Variants in PPARGC1B observed in about 807,000 individuals in gnomAD.
PPARGC1B encodes peroxisome proliferator-activated receptor gamma coactivator 1-beta.
A neutral mutation model predicts 101.6 loss-of-function variants in PPARGC1B; 34 were observed. That is an observed-to-expected ratio of 0.33 (90% CI 0.25 to 0.45). PPARGC1B has a LOEUF of 0.45. PPARGC1B is among the 20% of genes least tolerant of loss of function. PPARGC1B has a pLI of 1.00. For synonymous variants in PPARGC1B, 548 were observed against 539.3 expected (o/e 1.02, Z -0.22); for missense variants, 1,234 against 1,317.6 (o/e 0.94, Z 0.98).
chr5:149,764,794 G>A (rs2113164837), intron 1 of PPARGC1B, among the ~76,000 whole-genome samples: 1 of 152,370 alleles, frequency 6.6e-6, no homozygotes, highest in South Asian at 2.1e-4. Flanking sequence ...GTAAACAGTA[G>A]TGGGGGTATA....
intron 1 of PPARGC1B, among the ~76,000 whole-genome samples, chr5:149,782,914 C>T (rs145304599): frequency 2.3e-4 from 35 of 152,280 alleles, no homozygotes; most frequent in Non-Finnish European, 4.6e-4. Flanking sequence ...CAAGTGTCCA[C>T]TGGGACAGAG....
intron 1 of PPARGC1B, among the ~76,000 whole-genome samples, chr5:149,747,090 A>G (rs1755120077): frequency 6.6e-6 from 1 of 152,210 alleles, no homozygotes; most frequent in Admixed American, 6.5e-5. Flanking sequence ...ACAAAATTAA[A>G]TAATTTTCAC....
chr5:149,762,388 C>A (rs1044945516), intron 1 of PPARGC1B, among the ~76,000 whole-genome samples: 1 of 152,238 alleles, frequency 6.6e-6, no homozygotes, highest in South Asian at 2.1e-4. Context: ...CTCAAGTGAT[C>A]CTCCCCACCT....
intron 1 of PPARGC1B, among the ~76,000 whole-genome samples, chr5:149,819,797 C>A (rs1261954190): frequency 1.3e-5 from 2 of 152,226 alleles, no homozygotes; most frequent in African/African-American, 4.8e-5. Context: ...GCCACCATGC[C>A]CGGCCCGTGA....
rs1759721083 is a variant in PPARGC1B, at chr5:149,850,316, A to T, written c.*2758A>T. 6.6e-6 allele frequency: 1 copy of T among 152,218 alleles called. No homozygotes were observed. Among genetic ancestry groups the T allele is most frequent in the African/African-American group, 2.4e-5 (1 of 41,460 alleles). 9.4% of individuals were successfully genotyped at this position (152,218 alleles called of 1,614,324 possible). The stretch of plus-strand genomic sequence containing the variant: ...TCCCTCCCTGCTTTGGGGTCAGCTA[A>T]AGCTGTCCTTTCATGTCAGATTAAC... On this transcript the variant is annotated 3_prime_UTR_variant, in exon 12 of 12. Coordinates refer to ENST00000309241, the MANE Select transcript of PPARGC1B (RefSeq NM_133263.4).
At chr5:149,766,221 A>T (rs1481881367) in intron 1 of PPARGC1B, among the ~76,000 whole-genome samples, 2 of 152,236 alleles carry the variant, frequency 1.3e-5, no homozygotes, top group African/African-American at 4.8e-5. Flanking sequence ...GAAATCAGAA[A>T]ATCTAAAGTT....
rs375231091 is a variant in PPARGC1B, at chr5:149,780,582, G to C, written c.79-39851G>C. On this transcript the variant is annotated intron_variant, in intron 1 of 11. Transcript: ENST00000309241. ...GTTTTGCAGGTCCTTGGCAGTGGAG[G>C]GGTAGTTGTGTGTCAGCGGTTAGAT... Among the ~76,000 whole-genome samples, 308 of 152,268 alleles carry C rather than the reference G, an allele frequency of 2.0e-3. 2 individuals are homozygous for C. The highest frequency in any genetic ancestry group is 7.0e-3 in the African/African-American group (290 of 41,558).
intron 7 of PPARGC1B, 65 bp downstream of exon 7, chr5:149,835,430 C>A: frequency 7.0e-7 from 1 of 1,435,348 alleles, no homozygotes; most frequent in South Asian, 1.2e-5. Context: ...CTGAGTTTTT[C>A]ATCATGCATG....
chr5:149,833,603 C>A lies in PPARGC1B; in HGVS notation c.1530C>A (p.Cys510Ter). The A allele has an allele frequency of 6.2e-7, 1 of 1,607,536 alleles. No homozygotes were observed. The highest frequency in any genetic ancestry group is 8.5e-7 in the Non-Finnish European group (1 of 1,177,280). ...CCCAAGGTGCTCTGCCCTCACTGTG[C>A]CTGGCTCCCAAGGCCTACGACGTAG... ...SEPQGALPSL[C>*]LAPKAYDVER... is the part of the protein sequence containing the mutation. Residue 510 changes from cysteine to a stop codon, truncating the protein, a stop_gained, in exon 5 of 12, where the codon TGC becomes TGA. Coordinates refer to ENST00000309241, the MANE Select transcript of PPARGC1B (RefSeq NM_133263.4). LOFTEE classifies it high-confidence loss of function. The surrounding 1 kb of genome is among the most constrained non-coding windows in gnomAD (Gnocchi z 4.1).
At chr5:149,743,156 T>C (rs1038890541) in intron 1 of PPARGC1B, among the ~76,000 whole-genome samples, 7 of 136,286 alleles carry the variant, frequency 5.1e-5, no homozygotes. Flanking sequence ...GTGTTTATTC[T>C]TTTTTTTTTT....
In PPARGC1B at chr5:149,833,703, G is replaced by A; in HGVS notation, c.1630G>A (p.Ala544Thr). ...QQLLRGPQIP[A>T]LESPCESGCG... The stretch of plus-strand genomic sequence containing the variant: ...GCTCCTACGGGGACCCCAGATCCCT[G>A]CCCTGGAGAGCCCCTGTGAGAGTGG... The change falls in exon 5 of 12, where the codon GCC becomes ACC. Residue 544 changes from alanine (A) to threonine (T), a missense_variant. Ala to Thr is a moderately conservative substitution (Grantham distance 58). Around this residue, in one of 3 missense-constraint regions of PPARGC1B, gnomAD observed 734 missense variants for 768.4 expected, o/e 0.96. Transcript: ENST00000309241. The surrounding 1 kb of genome is among the most constrained non-coding windows in gnomAD (Gnocchi z 4.1). 6.2e-7 allele frequency: 1 copy of A among 1,605,196 alleles called. No homozygotes were observed. The highest frequency in any genetic ancestry group is 8.5e-7 in the Non-Finnish European group (1 of 1,177,420).
At chr5:149,805,504 A>C (rs1757566488) in intron 1 of PPARGC1B, among the ~76,000 whole-genome samples, 1 of 152,122 alleles carries the variant, frequency 6.6e-6, no homozygotes, top group Non-Finnish European at 1.5e-5. Context: ...CAGTGGCATG[A>C]TCTCGGCTCA....
chr5:149,805,979 C>A (rs868458464), intron 1 of PPARGC1B, among the ~76,000 whole-genome samples: 1 of 152,266 alleles, frequency 6.6e-6, no homozygotes, highest in Non-Finnish European at 1.5e-5. Context: ...TGTGCAGCAG[C>A]AGGGGCAGCT....
At position 149,832,066 on chromosome 5, in the gene PPARGC1B, G is replaced by A. The variant is rs186346051; in HGVS notation, c.583-590G>A. On this transcript the variant is annotated intron_variant, in intron 4 of 11. Transcript: ENST00000309241. The surrounding 1 kb of genome is among the most constrained non-coding windows in gnomAD (Gnocchi z 4.9). ...TCACGCCTGTAATCCCAGCACTTTG[G>A]GAGGCTGAGGCGGGAGGATCACTTG... Among the ~76,000 whole-genome samples, 281 of 152,232 alleles carry A rather than the reference G, an allele frequency of 1.8e-3. 1 individual carries two copies. The highest frequency in any genetic ancestry group is 6.3e-3 in the African/African-American group (261 of 41,540).
chr5:149,735,991 G>A (rs1754693792), intron 1 of PPARGC1B, among the ~76,000 whole-genome samples: 1 of 152,182 alleles, frequency 6.6e-6, no homozygotes. Context: ...GGGCGTGGTG[G>A]TGTGTGCCTG....
At chr5:149,772,969 T>C (rs1327686994) in intron 1 of PPARGC1B, among the ~76,000 whole-genome samples, 1 of 152,154 alleles carries the variant, frequency 6.6e-6, no homozygotes. Flanking sequence ...GTGCTTAAGG[T>C]AAAGGCGCTG....
chr5:149,846,782 A>G (rs1759579005), intron 11 of PPARGC1B: 1 of 154,598 alleles, frequency 6.5e-6, no homozygotes, highest in African/African-American at 2.4e-5. Flanking sequence ...CAGTTTCCCA[A>G]TCTATTAAAA....
chr5:149,829,175 T>C (rs1341332091), intron 3 of PPARGC1B, among the ~76,000 whole-genome samples: 1 of 152,174 alleles, frequency 6.6e-6, no homozygotes, highest in Admixed American at 6.5e-5. Context: ...TGTGTGTCTG[T>C]GTGATTTTCT....
At position 149,836,943 on chromosome 5, in the gene PPARGC1B, A is replaced by G; in HGVS notation, c.2488A>G (p.Thr830Ala). The G allele has an allele frequency of 1.2e-6, 2 of 1,614,008 alleles. No homozygotes were observed. Among genetic ancestry groups the G allele is most frequent in the Non-Finnish European group, 1.7e-6 (2 of 1,180,018 alleles). ...AGAAGAGGACTCAGGGGTCAGCCCC[A>G]CTTGCTCTGACCACTGCCCCTACCA... is the stretch of plus-strand genomic sequence containing the variant. ...DEEEDSGVSPTCSDHCPYQSP... is the reference protein window; with the variant it reads ...DEEEDSGVSPACSDHCPYQSP... The change falls in exon 8 of 12, where the codon ACT becomes GCT. Residue 830 changes from threonine (T) to alanine (A), a missense_variant. Thr to Ala is a moderately conservative substitution (Grantham distance 58). Around this residue, in one of 3 missense-constraint regions of PPARGC1B, gnomAD observed 497 missense variants for 529.5 expected, o/e 0.94. Transcript: ENST00000309241.
Sources: allele counts gnomAD v4.1 joint callset (sites outside exome capture counted in the v4.1 genomes callset), GRCh38; gene constraint gnomAD v4.1.1; regional missense constraint gnomAD v4.1.1; non-coding constraint Gnocchi (gnomAD v3.1); transcripts MANE v1.5; gene names NCBI Gene and HGNC (gene_info 2026-07-23, HGNC 2026-07-21).